LUZP2: variants seen among roughly 807,000 people sequenced by gnomAD.
LUZP2 encodes leucine zipper protein 2.
A neutral mutation model predicts 51.6 loss-of-function variants in LUZP2; 52 were observed. The observed-to-expected ratio is 1.01, with a 90% CI of 0.81 to 1.27. The LOEUF is 1.27. Ranked by LOEUF, LUZP2 falls within the 50% of genes most tolerant of loss-of-function variation. The probability of loss-of-function intolerance (pLI) is 0.00; values close to 1 mark genes in which losing one functional copy is unlikely to be tolerated. For missense variants in LUZP2, 436 were observed against 395.4 expected, an observed-to-expected ratio of 1.10 and a Z score of -0.87; for synonymous variants, 154 against 137.3, an observed-to-expected ratio of 1.12 and a Z score of -0.85.
chr11:24,984,549 T>TATAGATATATATATATATAA (rs60530495), intron 9 of LUZP2, among the ~76,000 whole-genome samples: 1 of 71,224 alleles, frequency 1.4e-5, no homozygotes. Context: ...TATATATATA[T>TATAGATATATATATATATAA]AATTGTGAAT....
intron 7 of LUZP2, among the ~76,000 whole-genome samples, chr11:24,930,661 T>G (rs1170783478): frequency 6.6e-6 from 1 of 152,142 alleles, no homozygotes; most frequent in African/African-American, 2.4e-5. Flanking sequence ...TGAAATACTT[T>G]CCTTCATCTC....
chr11:24,543,969 C>G (rs1013624590), intron 1 of LUZP2, among the ~76,000 whole-genome samples: 10 of 151,884 alleles, frequency 6.6e-5, no homozygotes, highest in African/African-American at 2.4e-4. Context: ...GTAACTGGCT[C>G]AAGTCTGGCT....
At chr11:24,759,926 C>T (rs1001828567) in intron 4 of LUZP2, among the ~76,000 whole-genome samples, 1 of 151,964 alleles carries the variant, frequency 6.6e-6, no homozygotes, top group East Asian at 1.9e-4. Context: ...AACAAGTGCC[C>T]CTGGTGGTCG....
intron 5 of LUZP2, among the ~76,000 whole-genome samples, chr11:24,809,091 C>T (rs1222681810): frequency 6.6e-6 from 1 of 151,994 alleles, no homozygotes; most frequent in Non-Finnish European, 1.5e-5. Context: ...TATGACATGG[C>T]TCGCCTGGCA....
chr11:24,762,024 G>T (rs1261256657), intron 4 of LUZP2, among the ~76,000 whole-genome samples: 1 of 151,746 alleles, frequency 6.6e-6, no homozygotes, highest in African/African-American at 2.4e-5. Context: ...CTTATAAAAG[G>T]GTCTGAAGAA....
At chr11:24,976,863 C>T (rs1330204159) in intron 8 of LUZP2, among the ~76,000 whole-genome samples, 198 bp downstream of exon 8, 2 of 151,730 alleles carry the variant, frequency 1.3e-5, no homozygotes, top group African/African-American at 2.4e-5. Flanking sequence ...TTTGCTGCTA[C>T]AGTAAACTGA....
At chr11:24,871,586 A>G (rs1395969067) in intron 5 of LUZP2, among the ~76,000 whole-genome samples, 1 of 152,068 alleles carries the variant, frequency 6.6e-6, no homozygotes, top group East Asian at 1.9e-4. Flanking sequence ...TCTACCTCTG[A>G]AGACTCATCA....
chr11:24,860,280 G>A (rs980511090), intron 5 of LUZP2, among the ~76,000 whole-genome samples: 7 of 152,254 alleles, frequency 4.6e-5, no homozygotes, highest in Admixed American at 2.6e-4. Context: ...GAGGCTCAGC[G>A]ACAGAATCTG....
intron 5 of LUZP2, 144 bp from the exon 6 acceptor site, chr11:24,905,847 A>T (rs1853435441): frequency 4.2e-6 from 2 of 475,836 alleles, no homozygotes; most frequent in Non-Finnish European, 3.7e-6. Context: ...TACAGATTTG[A>T]TTCAGTTTTA....
Position 24,577,789 on chromosome 11 carries a change from A to T in LUZP2, c.62+80484A>T, listed in dbSNP as rs187583226. Among the ~76,000 whole-genome samples, 22 of 152,262 alleles carry T rather than the reference A, an allele frequency of 1.4e-4. No individual in the cohort carries two copies. The East Asian group carries it at 3.7e-3, about 25-fold the overall frequency. ...TTACACCTACTTTATAGATAATGGA[A>T]CTGAAATTCAGAGGTATTTTAATTC... is the stretch of plus-strand genomic sequence containing the variant. On this transcript the variant is annotated intron_variant, in intron 1 of 11. Transcript: ENST00000336930.
intron 9 of LUZP2, among the ~76,000 whole-genome samples, chr11:25,047,083 T>C (rs1246934184): frequency 6.6e-6 from 1 of 152,194 alleles, no homozygotes; most frequent in African/African-American, 2.4e-5. Flanking sequence ...ACAAAATACA[T>C]TGAAATTGTC....
chr11:24,774,041 A>T (rs530624901), intron 5 of LUZP2, among the ~76,000 whole-genome samples: 30 of 152,082 alleles, frequency 2.0e-4, no homozygotes, highest in African/African-American at 7.0e-4. Flanking sequence ...AAGGAGGTTA[A>T]CATTTGAGTC....
chr11:24,625,651 A>G (rs1281708937), intron 1 of LUZP2, among the ~76,000 whole-genome samples: 1 of 152,132 alleles, frequency 6.6e-6, no homozygotes, highest in African/African-American at 2.4e-5. Flanking sequence ...TGAAGAAGAA[A>G]GTCCTTGAGG....
intron 9 of LUZP2, among the ~76,000 whole-genome samples, chr11:25,015,136 T>G (rs2218538): frequency 0.4 from 60,301 of 152,002 alleles, 14,442 homozygotes; most frequent in East Asian, 0.77. Flanking sequence ...TTATATTGAG[T>G]AGTTGCGATT....
chr11:25,043,118 G>A (rs974755165), intron 9 of LUZP2, among the ~76,000 whole-genome samples: 5 of 152,022 alleles, frequency 3.3e-5, no homozygotes, highest in African/African-American at 7.2e-5. Flanking sequence ...GCTGGACCTC[G>A]ATTTGCGATT....
At chr11:24,589,460 G>A (rs1853185964) in intron 1 of LUZP2, among the ~76,000 whole-genome samples, 1 of 152,142 alleles carries the variant, frequency 6.6e-6, no homozygotes, top group South Asian at 2.1e-4. Flanking sequence ...TTCATTATCT[G>A]TGATTTATTA....
At chr11:24,531,173 C>A (rs952799195) in intron 1 of LUZP2, among the ~76,000 whole-genome samples, 1 of 150,374 alleles carries the variant, frequency 6.7e-6, no homozygotes. Flanking sequence ...GCAACATTCA[C>A]AATTTTAAAA....
intron 5 of LUZP2, among the ~76,000 whole-genome samples, chr11:24,804,644 CA>C (rs1849799868): frequency 6.6e-6 from 1 of 152,072 alleles, no homozygotes; most frequent in Admixed American, 6.6e-5. Flanking sequence ...TCATTTCCTC[CA>C]GGTATAGGAG....
intron 1 of LUZP2, among the ~76,000 whole-genome samples, chr11:24,645,216 G>C (rs1024472428): frequency 3.9e-5 from 6 of 152,086 alleles, no homozygotes; most frequent in Non-Finnish European, 8.8e-5. Context: ...GAGACCACAG[G>C]CAATACAGTC....
Sources: allele counts gnomAD v4.1 joint callset (sites outside exome capture counted in the v4.1 genomes callset), GRCh38; gene constraint gnomAD v4.1.1; transcripts MANE v1.5; gene names NCBI Gene and HGNC (gene_info 2026-07-23, HGNC 2026-07-21).